Variants in GOLGA5 observed in about 807,000 individuals in gnomAD.
GOLGA5 encodes the protein golgin A5, also known as golgin subfamily A member 5.
GOLGA5 carries 50 observed loss-of-function variants against 93.5 expected under a neutral mutation model. That is an observed-to-expected ratio of 0.53 (90% CI 0.43 to 0.68). The LOEUF (loss-of-function observed/expected upper bound fraction) is 0.68, where lower values mean the gene tolerates loss of function less well. GOLGA5 is among the 30% of genes least tolerant of loss of function. The pLI, the probability that GOLGA5 is intolerant of heterozygous loss-of-function variation, is 0.00. For synonymous variants in GOLGA5, 312 were observed against 304.5 expected (o/e 1.02, Z -0.26); for missense variants, 760 against 856.4 (o/e 0.89, Z 1.40).
intron 8 of GOLGA5, 32 bp from the exon 9 acceptor site, chr14:92,824,513 TC>T (rs1332429469): frequency 8.9e-7 from 1 of 1,126,034 alleles, no homozygotes; most frequent in African/African-American, 1.5e-5. Context: ...GACACTTATT[TC>T]GCTTCTGTTT....
intron 9 of GOLGA5, among the ~76,000 whole-genome samples, chr14:92,827,702 C>T (rs1190116265): frequency 6.6e-6 from 1 of 152,154 alleles, no homozygotes; most frequent in Non-Finnish European, 1.5e-5. Context: ...CAAAACTAGG[C>T]CTATTGGCAC....
chr14:92,814,549 G>T (rs1885165316), intron 6 of GOLGA5, among the ~76,000 whole-genome samples: 1 of 151,960 alleles, frequency 6.6e-6, no homozygotes, highest in Admixed American at 6.6e-5. Context: ...AATGAGGTTG[G>T]GAGGTTTCTG....
In GOLGA5 at chr14:92,816,527, T is replaced by TTCGCTTCGCTTCG. The variant is rs142530146; in HGVS notation, c.1491+106_1491+107insTCGCTTCGCTTCG. Reference sequence around the variant, plus strand: ...ACTAAAGCGATAGGTTTCTCGCTTCTCTTCGCTTCGCTTCGCTTCTCTTCT... The same window carrying TTCGCTTCGCTTCG: ...ACTAAAGCGATAGGTTTCTCGCTTCTTCGCTTCGCTTCGCTTCGCTTCGCTTCGCTTCTCTTCT... On this transcript the variant is annotated intron_variant, in intron 7 of 12. Coordinates refer to ENST00000163416, the MANE Select transcript of GOLGA5 (RefSeq NM_005113.4). The TTCGCTTCGCTTCG allele has an allele frequency of 1.2e-5, 8 of 690,048 alleles. No individual in the cohort carries two copies. The African/African-American group carries it at 1.5e-4, about 13-fold the overall frequency. 42.7% of individuals were successfully genotyped at this position (690,048 alleles called of 1,614,324 possible).
intron 7 of GOLGA5, 51 bp from the exon 8 acceptor site, chr14:92,819,657 G>C (rs779123027): frequency 5.1e-6 from 8 of 1,579,206 alleles, no homozygotes; most frequent in Non-Finnish European, 6.9e-6. Context: ...CTCAATAAAT[G>C]TTGAACTGAA....
At chr14:92,795,517 A>T (rs1163407891) in intron 1 of GOLGA5, among the ~76,000 whole-genome samples, 1 of 152,176 alleles carries the variant, frequency 6.6e-6, no homozygotes, top group Non-Finnish European at 1.5e-5. Flanking sequence ...TAAAAAAAGG[A>T]TATTGCTGTT....
intron 1 of GOLGA5, among the ~76,000 whole-genome samples, chr14:92,794,900 G>A (rs1595586354): frequency 7.2e-6 from 1 of 138,974 alleles, no homozygotes. Flanking sequence ...CGCACTCTCT[G>A]CCCCTGGGCA....
chr14:92,805,578 C>G (rs1884967209), intron 2 of GOLGA5, among the ~76,000 whole-genome samples: 2 of 152,224 alleles, frequency 1.3e-5, no homozygotes, highest in East Asian at 1.9e-4. Context: ...ACCTTTTCCC[C>G]CAGTGATTGT....
intron 1 of GOLGA5, among the ~76,000 whole-genome samples, chr14:92,794,851 GGCCCTGCCGC>G (rs1884685340): frequency 6.6e-6 from 1 of 151,494 alleles, no homozygotes; most frequent in Non-Finnish European, 1.5e-5. Context: ...CTTCGAAGCA[GGCCCTGCCGC>G]AGCCCTTTGC....
chr14:92,807,799 T>C (rs180910571), intron 3 of GOLGA5, among the ~76,000 whole-genome samples: 1 of 100,062 alleles, frequency 1.0e-5, no homozygotes, highest in East Asian at 2.6e-4. Context: ...GTGAATGTTA[T>C]TGTAAGTGTG....
At chr14:92,835,498 A>G in intron 10 of GOLGA5, 61 bp from the exon 11 acceptor site, 1 of 1,167,326 alleles carries the variant, frequency 8.6e-7, no homozygotes, top group Admixed American at 1.8e-5. Flanking sequence ...TGTATTTCCA[A>G]TTATAATTGT....
chr14:92,815,696 A>T lies in GOLGA5; in HGVS notation c.1321-555A>T, dbSNP rs1021977332. On this transcript the variant is annotated intron_variant, in intron 6 of 12. Transcript: ENST00000163416. Reference sequence around the variant, plus strand: ...AAATAAATAAACACAAATTTTTTTTAATCTTTTTTTTTTTTTTTTTTTTTT... The same window carrying T: ...AAATAAATAAACACAAATTTTTTTTTATCTTTTTTTTTTTTTTTTTTTTTT... 1.6e-3 allele frequency among the ~76,000 whole-genome samples: 218 copies of T among 132,506 alleles called. 1 individual carries two copies. The highest frequency in any genetic ancestry group is 5.9e-3 in the African/African-American group (207 of 35,128). 86.9% of individuals were successfully genotyped at this position (132,506 alleles called of 152,430 possible).
intron 2 of GOLGA5, among the ~76,000 whole-genome samples, chr14:92,802,372 G>A (rs1884892445): frequency 1.3e-5 from 2 of 151,864 alleles, no homozygotes; most frequent in African/African-American, 2.4e-5. Context: ...CAATCTAGAT[G>A]GCTCTTAATC....
chr14:92,800,790 A>G (rs1013625514), intron 2 of GOLGA5, among the ~76,000 whole-genome samples: 2 of 152,232 alleles, frequency 1.3e-5, no homozygotes, highest in African/African-American at 4.8e-5. Context: ...CTTTAAGTCA[A>G]GAGTTGACAT....
chr14:92,809,534 G>A lies in GOLGA5; in HGVS notation c.992+15G>A, dbSNP rs1308433943. On this transcript the variant is annotated intron_variant, in intron 4 of 12. Coordinates refer to ENST00000163416, the MANE Select transcript of GOLGA5 (RefSeq NM_005113.4). ...GAAAAATCACGGTAGGTGATTCTAT[G>A]AATAATGAAAAAAATGAGCAAGTAA... 2.6e-6 allele frequency: 4 copies of A among 1,510,334 alleles called. No individual in the cohort carries two copies. The highest frequency in any genetic ancestry group is 3.5e-5 in the Admixed American group (2 of 57,660). The allele number at this position is 1,510,334 out of a possible 1,614,324, so 93.6% of individuals were successfully genotyped here. A position where few individuals can be genotyped will look rare whatever the true frequency, so the allele number is the denominator to read the frequency against.
At chr14:92,812,334 C>A (rs76518587) in intron 6 of GOLGA5, among the ~76,000 whole-genome samples, 2,470 of 152,312 alleles carry the variant, frequency 0.016, 57 homozygotes, top group African/African-American at 0.055. Context: ...CTATGCCCTT[C>A]CTTCCTGTGT....
At chr14:92,837,504 T>TTGC (rs1185508288) in intron 12 of GOLGA5, 55 bp downstream of exon 12, 1 of 697,776 alleles carries the variant, frequency 1.4e-6, no homozygotes, top group African/African-American at 4.6e-5. Context: ...ACTAGTTTTT[T>TTGC]TTTTTGTTTG....
chr14:92,794,581 C>T (rs1032502382), intron 1 of GOLGA5, 125 bp downstream of exon 1: 4 of 152,466 alleles, frequency 2.6e-5, no homozygotes, highest in African/African-American at 7.2e-5. Context: ...TCATCTTCGC[C>T]CTGTTAGGGG....
At chr14:92,835,467 T>G in intron 10 of GOLGA5, 92 bp from the exon 11 acceptor site, 1 of 784,582 alleles carries the variant, frequency 1.3e-6, no homozygotes, top group African/African-American at 1.7e-5. Flanking sequence ...CCCTTGAAAA[T>G]TCCTTCCACA....
intron 10 of GOLGA5, among the ~76,000 whole-genome samples, chr14:92,834,521 A>AAAG (rs1224607352): frequency 6.6e-6 from 1 of 152,210 alleles, no homozygotes; most frequent in Non-Finnish European, 1.5e-5. Context: ...GCATAGAAAA[A>AAAG]AAGTGTTCCA....
Sources: allele counts gnomAD v4.1 joint callset (sites outside exome capture counted in the v4.1 genomes callset), GRCh38; gene constraint gnomAD v4.1.1; transcripts MANE v1.5; gene names NCBI Gene and HGNC (gene_info 2026-07-23, HGNC 2026-07-21).